The following HDAC9 variants were observed in gnomAD, a reference collection of about 807,000 sequenced individuals.
HDAC9 encodes the protein MEF-2 interacting transcription repressor (MITR) protein.
A neutral mutation model predicts 139.4 loss-of-function variants in HDAC9; 41 were observed. The ratio of observed to expected loss-of-function variants is 0.29; its 90% CI spans 0.23 to 0.38. HDAC9 has a LOEUF of 0.38. Among genes scored for constraint, HDAC9 ranks in the 10% least tolerant of loss-of-function variants. HDAC9 has a pLI of 1.00. For synonymous variants in HDAC9, 517 were observed against 476.2 expected, an observed-to-expected ratio of 1.09 and a Z score of -1.12; for missense variants, 1,147 against 1,297.0, an observed-to-expected ratio of 0.88 and a Z score of 1.78.
chr7:18,579,383 A>ATTTGG (rs1393354771), intron 2 of HDAC9, among the ~76,000 whole-genome samples: 2 of 152,224 alleles, frequency 1.3e-5, no homozygotes, highest in African/African-American at 4.8e-5. Flanking sequence ...AACTGCTGAT[A>ATTTGG]TTAAATACAT....
intron 15 of HDAC9, among the ~76,000 whole-genome samples, chr7:18,762,650 C>G (rs930031266): frequency 2.0e-5 from 3 of 152,018 alleles, no homozygotes; most frequent in Admixed American, 6.6e-5. Context: ...TTTTTTGTAT[C>G]TTTTAGTTCT....
rs801766 is a variant in HDAC9, at chr7:18,540,224, G to T, written c.22+43900G>T. ...GGAAGCGGAGGTTGCAGTGAGCCGAGATCTCACCACTGCACTCCAGCCTGG... is the reference window on the plus strand; with the variant it reads ...GGAAGCGGAGGTTGCAGTGAGCCGATATCTCACCACTGCACTCCAGCCTGG... On this transcript the variant is annotated intron_variant, in intron 2 of 25. Coordinates refer to ENST00000686413, the MANE Select transcript of HDAC9 (RefSeq NM_178425.4). Among the ~76,000 whole-genome samples, 767 of 129,746 alleles carry T rather than the reference G, an allele frequency of 5.9e-3. 9 individuals are homozygous for T. Among genetic ancestry groups the T allele is most frequent in the African/African-American group, 0.022 (740 of 34,158 alleles). The allele number at this position is 129,746 out of a possible 152,430, so 85.1% of individuals were successfully genotyped here.
chr7:18,556,222 G>A (rs1029754920), intron 2 of HDAC9, among the ~76,000 whole-genome samples: 77 of 152,106 alleles, frequency 5.1e-4, no homozygotes, highest in African/African-American at 1.8e-3. Flanking sequence ...TATATTGTGT[G>A]TTTATGTAAA....
intron 2 of HDAC9, among the ~76,000 whole-genome samples, chr7:18,181,027 T>A (rs949751454): frequency 2.6e-5 from 4 of 152,198 alleles, no homozygotes; most frequent in African/African-American, 9.7e-5. Context: ...TATGCATATG[T>A]GTGATTGTAT....
intron 2 of HDAC9, among the ~76,000 whole-genome samples, chr7:18,570,873 C>A (rs144896829): frequency 6.6e-6 from 1 of 152,192 alleles, no homozygotes; most frequent in Non-Finnish European, 1.5e-5. Context: ...AAGAGAAACT[C>A]GGGAGACTGG....
intron 2 of HDAC9, among the ~76,000 whole-genome samples, chr7:18,199,692 G>A (rs1334614117): frequency 6.7e-6 from 1 of 150,086 alleles, no homozygotes; most frequent in Non-Finnish European, 1.5e-5. Context: ...TGAGGCAGGA[G>A]GGCTGCTTGA....
chr7:18,363,517 A>G (rs541034343), intron 1 of HDAC9, among the ~76,000 whole-genome samples: 1 of 152,262 alleles, frequency 6.6e-6, no homozygotes, highest in East Asian at 1.9e-4. Context: ...TGTTATTATT[A>G]TTTGCATTTG....
At chr7:18,430,709 C>T (rs970891250) in intron 1 of HDAC9, 2 of 120,656 alleles carry the variant, frequency 1.7e-5, no homozygotes, top group African/African-American at 6.2e-5. Flanking sequence ...TGGCTAAACC[C>T]TGTCTTTACT....
chr7:18,428,305 A>G (rs1450284566), intron 1 of HDAC9, among the ~76,000 whole-genome samples: 1 of 152,210 alleles, frequency 6.6e-6, no homozygotes, highest in African/African-American at 2.4e-5. Context: ...GCTTCTACAC[A>G]GCAAAGGAAA....
rs182301532 is a variant in HDAC9 at position 18,137,902 on chromosome 7, C to G, written c.-96-24327C>G. Reference sequence around the variant, plus strand: ...ATGGTACCAGTTCCTCCTTGTACCTCTGGTAGAATTTGGCTGTGAATCCAT... The same window carrying G: ...ATGGTACCAGTTCCTCCTTGTACCTGTGGTAGAATTTGGCTGTGAATCCAT... On this transcript the variant is annotated intron_variant, in intron 1 of 12. Coordinates refer to the HDAC9 transcript ENST00000417496. 3.0e-3 allele frequency among the ~76,000 whole-genome samples: 449 copies of G among 151,860 alleles called. 2 individuals carry two copies. Among genetic ancestry groups the G allele is most frequent in the Non-Finnish European group, 5.1e-3 (348 of 67,852 alleles).
intron 1 of HDAC9, among the ~76,000 whole-genome samples, chr7:18,297,221 T>G (rs934083198): frequency 6.6e-6 from 1 of 152,204 alleles, no homozygotes; most frequent in African/African-American, 2.4e-5. Context: ...TTGCTGTGGC[T>G]TTTGCTTATT....
intron 25 of HDAC9, among the ~76,000 whole-genome samples, chr7:18,979,907 C>T (rs1784787668): frequency 6.6e-6 from 1 of 152,190 alleles, no homozygotes; most frequent in South Asian, 2.1e-4. Context: ...TCTCATGAGG[C>T]CCCACCTCCC....
At chr7:18,708,188 T>C (rs1784081701) in intron 12 of HDAC9, among the ~76,000 whole-genome samples, 1 of 152,112 alleles carries the variant, frequency 6.6e-6, no homozygotes, top group Non-Finnish European at 1.5e-5. Flanking sequence ...TGTTGGCGTC[T>C]ATTTCCTTTG....
At chr7:18,716,089 A>G (rs1166535738) in intron 12 of HDAC9, among the ~76,000 whole-genome samples, 1 of 152,206 alleles carries the variant, frequency 6.6e-6, no homozygotes, top group African/African-American at 2.4e-5. Flanking sequence ...TGCTCAAGAG[A>G]TCCATCTTAT....
intron 1 of HDAC9, among the ~76,000 whole-genome samples, chr7:18,421,299 T>G (rs1170476894): frequency 6.7e-6 from 1 of 149,190 alleles, no homozygotes; most frequent in Non-Finnish European, 1.5e-5. Context: ...ATCTTTTATC[T>G]CAAAACTTGC....
rs1785743127 is a variant in HDAC9, at chr7:18,384,609, T to G, written c.-42+94094T>G. Among the ~76,000 whole-genome samples the G allele has an allele frequency of 2.0e-5, 3 of 152,174 alleles. No homozygotes were observed. The South Asian group carries it at 6.2e-4, about 32-fold the overall frequency. ...ATGGCGTTCTGCTTTTAAACATCAG[T>G]AAGTTGAGATTCAGGGAGAGCAAGT... On this transcript the variant is annotated intron_variant, in intron 1 of 3. Transcript: ENST00000413509.
intron 24 of HDAC9, among the ~76,000 whole-genome samples, chr7:18,965,796 A>G (rs1369462722): frequency 6.6e-6 from 1 of 152,196 alleles, no homozygotes; most frequent in Non-Finnish European, 1.5e-5. Context: ...TCATAGAGCA[A>G]AAACTCTCCA....
At chr7:18,216,948 T>G (rs533408427) in intron 2 of HDAC9, among the ~76,000 whole-genome samples, 2 of 151,976 alleles carry the variant, frequency 1.3e-5, no homozygotes, top group East Asian at 3.9e-4. Context: ...AGGAAGGGAC[T>G]TTTTTTTAAA....
At chr7:18,166,587 G>T (rs1788027507) in intron 2 of HDAC9, among the ~76,000 whole-genome samples, 1 of 152,110 alleles carries the variant, frequency 6.6e-6, no homozygotes, top group Admixed American at 6.6e-5. Context: ...TAAACAATTT[G>T]GGGGCAAGCA....
Sources: allele counts gnomAD v4.1 joint callset (sites outside exome capture counted in the v4.1 genomes callset), GRCh38; gene constraint gnomAD v4.1.1; transcripts MANE v1.5; gene names NCBI Gene and HGNC (gene_info 2026-07-23, HGNC 2026-07-21).